Variants in CIAO3 observed in about 807,000 individuals in gnomAD.
The protein encoded by CIAO3 is cytosolic iron-sulfur assembly component 3.
In CIAO3, 45 loss-of-function variants were observed where a neutral mutation model predicts 51.5. The ratio of observed to expected loss-of-function variants is 0.87; its 90% confidence interval spans 0.69 to 1.12. CIAO3 has a LOEUF of 1.12. Ranked by LOEUF, CIAO3 falls within the 50% of genes most tolerant of loss-of-function variation. CIAO3 has a pLI of 0.00. For synonymous variants in CIAO3, 314 were observed against 269.3 expected (o/e 1.17, Z -1.63); for missense variants, 668 against 632.5 (o/e 1.06, Z -0.60).
intron 8 of CIAO3, 109 bp downstream of exon 8, chr16:732,192 G>T: frequency 8.2e-7 from 1 of 1,223,598 alleles, no homozygotes; most frequent in Non-Finnish European, 1.2e-6. Context: ...AGCCACTTCT[G>T]TGGACGCCAA....
chr16:732,644 C>CTTTT, intron 7 of CIAO3: 1 of 435,558 alleles, frequency 2.3e-6, no homozygotes, highest in Non-Finnish European at 4.3e-6. Context: ...GTCTGCTTTT[C>CTTTT]TTTTTTTTTT....
In CIAO3 at chr16:738,357, T is replaced by TC. The variant is rs1010504522; in HGVS notation, c.163-1029_163-1028insG. 6 of 974,924 alleles carry TC rather than the reference T, an allele frequency of 6.2e-6. No individual in the cohort carries two copies. In the Admixed American group the frequency reaches 3.1e-4, roughly 50 times the overall value. The allele number at this position is 974,924 out of a possible 1,614,324, so 60.4% of individuals were successfully genotyped here. ...GTGAATTTTAATAGTTTCTTTTTTT[T>TC]TTTTTTTTTGAGATGGAGTCTCGCT... On this transcript the variant is annotated intron_variant, in intron 2 of 10. Coordinates refer to ENST00000251588, the MANE Select transcript of CIAO3 (RefSeq NM_022493.3).
intron 3 of CIAO3, among the ~76,000 whole-genome samples, chr16:736,767 G>A (rs1365680374): frequency 2.0e-5 from 3 of 152,062 alleles, no homozygotes; most frequent in East Asian, 1.9e-4. Context: ...GGGTTCAAGC[G>A]ATTCTCCTGC....
chr16:737,229 TG>T lies in CIAO3; in HGVS notation c.262del (p.Gln88SerfsTer7). ...ITSAETVLIT[Q>X]QSHEELKKVL... ...CTTCTTCAGCTCCTCGTGGCTCTGC[TG>T]GGTGATAAGCACGGTCTCTGCGGAG... On this transcript the variant is annotated frameshift_variant, in exon 3 of 11. Transcript: ENST00000251588. LOFTEE classifies it high-confidence loss of function. The surrounding 1 kb of genome is among the most constrained non-coding windows in gnomAD (Gnocchi z 5.3). 1.9e-6 allele frequency: 3 copies of T among 1,613,782 alleles called. No homozygotes were observed. The highest frequency in any genetic ancestry group is 2.5e-6 in the Non-Finnish European group (3 of 1,180,014).
Position 730,985 on chromosome 16 carries a change from C to T in CIAO3, c.1050G>A (p.Gln350=), listed in dbSNP as rs953992383. The change falls in exon 10 of 11, where the codon CAG becomes CAA. Residue 350 remains glutamine, a synonymous_variant. Transcript: ENST00000251588. Reference sequence around the variant, plus strand: ...GGCCCTCCTTCTCCAGTGTCACCTCCTGGAAGTCTTTGTTCCTGGGGGGCA... The same window carrying T: ...GGCCCTCCTTCTCCAGTGTCACCTCTTGGAAGTCTTTGTTCCTGGGGGGCA... The part of the protein sequence containing the change: ...TYKPLRNKDF[Q]EVTLEKEGQV... The T allele has an allele frequency of 2.5e-6, 4 of 1,612,676 alleles. No homozygotes were observed. In the African/African-American group the frequency reaches 4.0e-5, roughly 16 times the overall value.
intron 4 of CIAO3, 46 bp downstream of exon 4, chr16:736,220 C>A (rs974268231): frequency 2.5e-6 from 4 of 1,609,658 alleles, no homozygotes; most frequent in Non-Finnish European, 3.4e-6. Context: ...TACTCAGACG[C>A]CCCCTTGATT....
chr16:732,119 C>G (rs559316285), intron 8 of CIAO3, 182 bp downstream of exon 8: 10 of 663,110 alleles, frequency 1.5e-5, no homozygotes, highest in East Asian at 1.3e-4. Flanking sequence ...CTCAGGTGAT[C>G]TGCCCACCTT....
chr16:738,027 G>C (rs1335189844), intron 2 of CIAO3: 3 of 1,118,826 alleles, frequency 2.7e-6, no homozygotes, highest in East Asian at 7.6e-5. Context: ...AACTGTGTGG[G>C]AACCCCTCGC....
intron 6 of CIAO3, chr16:733,684 G>C: frequency 2.0e-6 from 1 of 505,692 alleles, no homozygotes; most frequent in South Asian, 2.1e-5. Flanking sequence ...AGGAGAAGTG[G>C]CCTTCCCACG....
intron 7 of CIAO3, chr16:732,828 G>A (rs1002767716): frequency 1.2e-5 from 4 of 325,258 alleles, no homozygotes; most frequent in African/African-American, 8.6e-5. Flanking sequence ...AGTAGACATG[G>A]GGTTTCATCA....
intron 2 of CIAO3, 60 bp downstream of exon 2, chr16:739,583 A>G (rs1175566067): frequency 6.6e-7 from 1 of 1,523,312 alleles, no homozygotes; most frequent in East Asian, 2.3e-5. Context: ...GAGGAAGCAG[A>G]GAAAAGTGTT....
intron 7 of CIAO3, 132 bp from the exon 8 acceptor site, chr16:732,505 C>A: frequency 1.9e-6 from 2 of 1,043,778 alleles, no homozygotes; most frequent in African/African-American, 1.6e-5. Flanking sequence ...CACCCTAGCC[C>A]GTGGTGGGGA....
chr16:729,797 G>A lies in CIAO3; in HGVS notation c.*620C>T. ...GGAGGGGTGCGTTTATTAGACAAACGCTGGGAGACAGGCCTGGTGGGGACC... is the reference window on the plus strand; with the variant it reads ...GGAGGGGTGCGTTTATTAGACAAACACTGGGAGACAGGCCTGGTGGGGACC... On this transcript the variant is annotated 3_prime_UTR_variant, in exon 11 of 11. Coordinates refer to ENST00000251588, the MANE Select transcript of CIAO3 (RefSeq NM_022493.3). 2.7e-6 allele frequency: 3 copies of A among 1,091,012 alleles called. No homozygotes were observed. The highest frequency in any genetic ancestry group is 3.6e-6 in the Non-Finnish European group (3 of 824,738). The allele number at this position is 1,091,012 out of a possible 1,614,324, so 67.6% of individuals were successfully genotyped here.
Position 730,562 on chromosome 16 carries a change from G to C in CIAO3, c.1286C>G (p.Ala429Gly). ...HVERLYGMVR[A>G]EAPEDAPGVQ... is the part of the protein sequence containing the mutation. Reference sequence around the variant, plus strand: ...CCCAGGCGCGTCCTCGGGCGCCTCAGCCCGGACCATGCCGTACAGTCTCTC... The same window carrying C: ...CCCAGGCGCGTCCTCGGGCGCCTCACCCCGGACCATGCCGTACAGTCTCTC... The change falls in exon 11 of 11, where the codon GCT becomes GGT. Residue 429 changes from alanine (A) to glycine (G), a missense_variant. Physicochemically the swap from Ala to Gly is moderately conservative, Grantham distance 60. Transcript: ENST00000251588. The C allele has an allele frequency of 6.2e-7, 1 of 1,610,986 alleles. No homozygotes were observed. Among genetic ancestry groups the C allele is most frequent in the Non-Finnish European group, 8.5e-7 (1 of 1,179,990 alleles).
intron 6 of CIAO3, chr16:733,661 C>T: frequency 1.8e-6 from 1 of 555,288 alleles, no homozygotes; most frequent in Non-Finnish European, 3.2e-6. Flanking sequence ...TCCCTAACAG[C>T]CAAGTCCAGC....
At chr16:735,040 G>A (rs908909212) in intron 4 of CIAO3, 169 bp from the exon 5 acceptor site, 3 of 904,464 alleles carry the variant, frequency 3.3e-6, no homozygotes, top group Non-Finnish European at 4.7e-6. Flanking sequence ...TTGCGCCAAA[G>A]CCCCAGCCCC....
Position 730,393 on chromosome 16 carries a change from C to T in CIAO3, c.*24G>A, listed in dbSNP as rs369871633. On this transcript the variant is annotated 3_prime_UTR_variant, in exon 11 of 11. Transcript: ENST00000251588. ...TGCTGTCACACATGGACACGGCCTCCTGGGAGTCCTGGTCCTGCAGCCCCT... is the reference window on the plus strand; with the variant it reads ...TGCTGTCACACATGGACACGGCCTCTTGGGAGTCCTGGTCCTGCAGCCCCT... 1 of 1,593,210 alleles carries T rather than the reference C, an allele frequency of 6.3e-7. No homozygotes were observed. Among genetic ancestry groups the T allele is most frequent in the Non-Finnish European group, 8.5e-7 (1 of 1,174,628 alleles).
rs1405753940 is a variant in CIAO3 at position 737,939 on chromosome 16, G to C, written c.163-610C>G. The C allele has an allele frequency of 8.5e-7, 1 of 1,182,144 alleles. No homozygotes were observed. The highest frequency in any genetic ancestry group is 1.6e-5 in the African/African-American group (1 of 62,368). The allele number at this position is 1,182,144 out of a possible 1,614,324, so 73.2% of individuals were successfully genotyped here. A position where few individuals can be genotyped will look rare whatever the true frequency, so the allele number is the denominator to read the frequency against. On this transcript the variant is annotated intron_variant, in intron 2 of 10. Coordinates refer to ENST00000251588, the MANE Select transcript of CIAO3 (RefSeq NM_022493.3). The surrounding 1 kb of genome is among the most constrained non-coding windows in gnomAD (Gnocchi z 5.3). ...GAGCTCCCCCAACTTCTCCTGCAAA[G>C]GCAGGAATGGTTTGAGCAGGGCCAG...
At chr16:734,090 G>T in intron 6 of CIAO3, 139 bp downstream of exon 6, 1 of 759,880 alleles carries the variant, frequency 1.3e-6, no homozygotes, top group Non-Finnish European at 2.3e-6. Flanking sequence ...AACCAGGAGG[G>T]AACAAGGGTG....
Sources: gnomAD v4.1 joint callset for allele counts (sites outside exome capture counted in the v4.1 genomes callset) on GRCh38, gnomAD v4.1.1 for gene constraint, Gnocchi (gnomAD v3.1) non-coding constraint, MANE v1.5 for transcripts, NCBI Gene and HGNC (gene_info 2026-07-23, HGNC 2026-07-21) for gene names.